ARHGAP25: variants seen among roughly 807,000 people sequenced by gnomAD.
The protein encoded by ARHGAP25 is Rho GTPase activating protein 25.
In ARHGAP25, 34 loss-of-function variants were observed where a neutral mutation model predicts 71.0. The ratio of observed to expected loss-of-function variants is 0.48; its 90% confidence interval spans 0.36 to 0.64. The LOEUF (loss-of-function observed/expected upper bound fraction) is 0.64, where lower values mean the gene tolerates loss of function less well. ARHGAP25 is among the 30% of genes least tolerant of loss of function. The probability of loss-of-function intolerance (pLI) is 0.00; values close to 1 mark genes in which losing one functional copy is unlikely to be tolerated. For missense variants in ARHGAP25, 706 were observed against 805.1 expected (o/e 0.88, Z 1.49); for synonymous variants, 282 against 296.5 (o/e 0.95, Z 0.50).
chr2:68,795,246 T>G (rs180966403), intron 4 of ARHGAP25, among the ~76,000 whole-genome samples: 43 of 152,228 alleles, frequency 2.8e-4, no homozygotes, highest in African/African-American at 1.0e-3. Flanking sequence ...CCTTGTATTG[T>G]TTCTTTGGTT....
chr2:68,729,074 A>G (rs1674947366), intron 2 of ARHGAP25, among the ~76,000 whole-genome samples: 1 of 152,240 alleles, frequency 6.6e-6, no homozygotes, highest in Non-Finnish European at 1.5e-5. Context: ...ACAAATCTAT[A>G]GAGACATAAA....
intron 2 of ARHGAP25, among the ~76,000 whole-genome samples, chr2:68,778,062 A>G (rs1352542886): frequency 3.3e-5 from 5 of 152,184 alleles, no homozygotes; most frequent in African/African-American, 1.2e-4. Context: ...TGAATGTTCC[A>G]TAATTTATTT....
intron 1 of ARHGAP25, among the ~76,000 whole-genome samples, chr2:68,747,529 T>A (rs1375025578): frequency 6.6e-6 from 1 of 152,174 alleles, no homozygotes; most frequent in African/African-American, 2.4e-5. Context: ...TTATCCAACC[T>A]TAAAACCTTT....
chr2:68,806,409 A>G (rs1049993710), intron 4 of ARHGAP25, among the ~76,000 whole-genome samples: 5 of 152,228 alleles, frequency 3.3e-5, no homozygotes, highest in Non-Finnish European at 5.9e-5. Context: ...GTGATAGACT[A>G]CAGTAGTCCC....
In ARHGAP25 at chr2:68,735,090, G is replaced by C. The variant is rs1227263519; in HGVS notation, c.-110G>C. On this transcript the variant is annotated 5_prime_UTR_variant, in exon 1 of 11. Transcript: ENST00000409202. ...AGATTGCTTGTGAAGCAATCATAAG[G>C]AGGAACAAAAACAGACACAAAAACA... is the stretch of plus-strand genomic sequence containing the variant. 1 of 948,804 alleles carries C rather than the reference G, an allele frequency of 1.1e-6. No homozygotes were observed. The highest frequency in any genetic ancestry group is 1.7e-6 in the Non-Finnish European group (1 of 578,388). The allele number at this position is 948,804 out of a possible 1,614,324, so 58.8% of individuals were successfully genotyped here. A position where few individuals can be genotyped will look rare whatever the true frequency, so the allele number is the denominator to read the frequency against.
intron 3 of ARHGAP25, among the ~76,000 whole-genome samples, chr2:68,786,208 A>G (rs990372810): frequency 2.6e-5 from 4 of 152,226 alleles, no homozygotes; most frequent in African/African-American, 9.6e-5. Context: ...TGCTCATGAC[A>G]GAACAAAAAG....
rs1258281924 is a variant in ARHGAP25 at position 68,826,709 on chromosome 2, T to A, written c.*515T>A. ...ACCCCATTCTGCCACCCCACCAGGA[T>A]GCCCATTCTCCAGGACTTCTCCAAC... On this transcript the variant is annotated 3_prime_UTR_variant, in exon 11 of 11. Transcript: ENST00000409202. 5.1e-6 allele frequency: 1 copy of A among 195,762 alleles called. No homozygotes were observed. The highest frequency in any genetic ancestry group is 2.3e-5 in the African/African-American group (1 of 42,706). The allele number at this position is 195,762 out of a possible 1,614,324, so 12.1% of individuals were successfully genotyped here.
chr2:68,791,535 AT>A (rs1172641126), intron 4 of ARHGAP25, among the ~76,000 whole-genome samples: 1 of 142,802 alleles, frequency 7.0e-6, no homozygotes, highest in Non-Finnish European at 1.6e-5. Flanking sequence ...GGAGCTCTTT[AT>A]GGTGCAAAGA....
At chr2:68,795,541 T>A (rs1013771622) in intron 4 of ARHGAP25, among the ~76,000 whole-genome samples, 1 of 152,166 alleles carries the variant, frequency 6.6e-6, no homozygotes, top group Non-Finnish European at 1.5e-5. Flanking sequence ...TTCGGTAGCA[T>A]GTTATTTAGT....
chr2:68,806,041 G>C, intron 4 of ARHGAP25, among the ~76,000 whole-genome samples: 1 of 152,222 alleles, frequency 6.6e-6, no homozygotes, highest in South Asian at 2.1e-4. Context: ...GTTTCTCCAC[G>C]CAGACAGAGC....
chr2:68,802,437 C>T (rs1482715957), intron 4 of ARHGAP25, among the ~76,000 whole-genome samples: 17 of 146,940 alleles, frequency 1.2e-4, no homozygotes, highest in Admixed American at 1.0e-3. Context: ...AAAGAATGTG[C>T]CAACCTATTT....
At chr2:68,759,710 A>C (rs1268631857) in intron 1 of ARHGAP25, among the ~76,000 whole-genome samples, 1 of 151,976 alleles carries the variant, frequency 6.6e-6, no homozygotes, top group Non-Finnish European at 1.5e-5. Context: ...AGAATTGAAA[A>C]ACAAGGGAAA....
At chr2:68,788,074 C>A in intron 4 of ARHGAP25, 118 bp downstream of exon 4, 2 of 785,530 alleles carry the variant, frequency 2.5e-6, no homozygotes, top group Non-Finnish European at 4.3e-6. Flanking sequence ...GAAAGCAGTT[C>A]TCTGCATGCC....
In ARHGAP25 at chr2:68,773,167, GAT is replaced by G. The variant is rs1219296429; in HGVS notation, c.62-2053_62-2052del. Reference sequence around the variant, plus strand: ...TTCAGACAGCAATATTGGACCGAAGGATGAAATGTGGAAATAGGGTGATAACT... The same window carrying G: ...TTCAGACAGCAATATTGGACCGAAGGGAAATGTGGAAATAGGGTGATAACT... On this transcript the variant is annotated intron_variant, in intron 1 of 10. Transcript: ENST00000409202. Among the ~76,000 whole-genome samples the G allele has an allele frequency of 3.3e-5, 5 of 152,262 alleles. No homozygotes were observed. In the East Asian group the frequency reaches 9.6e-4, roughly 29 times the overall value.
At chr2:68,800,408 G>A (rs1022110701) in intron 4 of ARHGAP25, among the ~76,000 whole-genome samples, 4 of 152,184 alleles carry the variant, frequency 2.6e-5, no homozygotes, top group Non-Finnish European at 5.9e-5. Flanking sequence ...GGGTTAAGGG[G>A]TGGAGATGGA....
chr2:68,713,874 G>A (rs1674548384), intron 2 of ARHGAP25, among the ~76,000 whole-genome samples: 2 of 152,150 alleles, frequency 1.3e-5, no homozygotes, highest in Non-Finnish European at 2.9e-5. Context: ...ATGTGCTGCT[G>A]GATTCAGTTT....
chr2:68,723,864 ATCTC>A lies in ARHGAP25; in HGVS notation c.-18+13180_-18+13183del, dbSNP rs141110404. Among the ~76,000 whole-genome samples the A allele has an allele frequency of 6.2e-3, 918 of 148,514 alleles. 3 individuals are homozygous for A. Among genetic ancestry groups the A allele is most frequent in the Middle Eastern group, 0.025 (7 of 284 alleles). ...TGGGAAATGGGTGATGTGGGAGTAA[ATCTC>A]TCTCTCTCTCTCTTTCTCTCTCGGT... On this transcript the variant is annotated intron_variant and NMD_transcript_variant, in intron 2 of 7. Coordinates refer to the ARHGAP25 transcript ENST00000463483.
intron 9 of ARHGAP25, chr2:68,819,654 T>A (rs1234455497): frequency 3.7e-6 from 2 of 546,800 alleles, no homozygotes; most frequent in Non-Finnish European, 6.5e-6. Flanking sequence ...TGTAAATGTT[T>A]TGGTCAGAAT....
At chr2:68,750,834 A>T (rs7565754) in intron 1 of ARHGAP25, among the ~76,000 whole-genome samples, 1,527 of 152,340 alleles carry the variant, frequency 0.01, 25 homozygotes, top group African/African-American at 0.033. Flanking sequence ...ACAGGGAATT[A>T]GTGTCAGAAG....
Sources: gnomAD v4.1 joint callset for allele counts (sites outside exome capture counted in the v4.1 genomes callset) on GRCh38, gnomAD v4.1.1 for gene constraint, MANE v1.5 for transcripts, NCBI Gene and HGNC (gene_info 2026-07-23, HGNC 2026-07-21) for gene names.